Variants in FOXN3 observed in about 807,000 individuals in gnomAD.
FOXN3 encodes forkhead box N3.
FOXN3 carries 7 observed loss-of-function variants against 38.4 expected under a neutral mutation model. The ratio of observed to expected loss-of-function variants is 0.18; its 90% CI spans 0.10 to 0.34. The LOEUF is 0.34. Ranked by LOEUF, FOXN3 falls within the 10% of genes least tolerant of loss-of-function variation. The pLI, the probability that FOXN3 is intolerant of heterozygous loss-of-function variation, is 1.00. For synonymous variants in FOXN3, 230 were observed against 242.2 expected (o/e 0.95, Z 0.47); for missense variants, 456 against 613.4 (o/e 0.74, Z 2.71).
chr14:89,340,035 A>G (rs911680109), intron 3 of FOXN3, among the ~76,000 whole-genome samples: 2 of 152,190 alleles, frequency 1.3e-5, no homozygotes, highest in African/African-American at 4.8e-5. Flanking sequence ...TAAAACAAAC[A>G]AACAAAAAGC....
chr14:89,182,518 A>G (rs1887700432), intron 4 of FOXN3, among the ~76,000 whole-genome samples: 1 of 152,202 alleles, frequency 6.6e-6, no homozygotes, highest in African/African-American at 2.4e-5. Context: ...CCAGATCAGT[A>G]GCTCCTACCA....
At chr14:89,375,435 T>C (rs76792770) in intron 2 of FOXN3, among the ~76,000 whole-genome samples, 2,128 of 152,324 alleles carry the variant, frequency 0.014, 64 homozygotes, top group African/African-American at 0.049. Context: ...TTTAATTCAA[T>C]ACTGATTATG....
chr14:89,511,246 CTTTTCTTTCTTTCTTT>C (rs1894077434), intron 1 of FOXN3, among the ~76,000 whole-genome samples: 1 of 13,944 alleles, frequency 7.2e-5, no homozygotes, highest in African/African-American at 1.3e-4. Flanking sequence ...CCTTTTCTTT[CTTTTCTTTCTTTCTTT>C]CTTTCTTTCT....
intron 5 of FOXN3, among the ~76,000 whole-genome samples, chr14:89,165,088 T>TA (rs1887206032): frequency 6.6e-6 from 1 of 152,148 alleles, no homozygotes; most frequent in Non-Finnish European, 1.5e-5. Flanking sequence ...CCCCAACACT[T>TA]ACAATGTGTG....
At chr14:89,594,812 G>C (rs1896025108) in intron 1 of FOXN3, among the ~76,000 whole-genome samples, 1 of 151,986 alleles carries the variant, frequency 6.6e-6, no homozygotes, top group South Asian at 2.1e-4. Context: ...CCTGAATCCG[G>C]GAGGCAGAGG....
intron 4 of FOXN3, among the ~76,000 whole-genome samples, chr14:89,219,326 T>C (rs1884381317): frequency 6.6e-6 from 1 of 152,190 alleles, no homozygotes; most frequent in Non-Finnish European, 1.5e-5. Flanking sequence ...CCATTGTAAG[T>C]TTCCTGAACC....
At chr14:89,501,725 T>TAA (rs1295604280) in intron 1 of FOXN3, among the ~76,000 whole-genome samples, 2 of 152,018 alleles carry the variant, frequency 1.3e-5, no homozygotes, top group African/African-American at 4.8e-5. Flanking sequence ...GCAGGGTTTT[T>TAA]AAAACACTAA....
At chr14:89,511,139 T>G in intron 1 of FOXN3, among the ~76,000 whole-genome samples, 1 of 25,282 alleles carries the variant, frequency 4.0e-5, no homozygotes. Context: ...TTTCTTTCTT[T>G]CTTTTCTTTC....
intron 2 of FOXN3, among the ~76,000 whole-genome samples, chr14:89,374,102 G>GA (rs200301176): frequency 0.014 from 2,101 of 151,558 alleles, 61 homozygotes; most frequent in African/African-American, 0.049. Flanking sequence ...CTCATCTCTA[G>GA]AAAAAATACA....
chr14:89,466,591 C>T (rs1472447138), intron 1 of FOXN3, among the ~76,000 whole-genome samples: 2 of 152,150 alleles, frequency 1.3e-5, no homozygotes, highest in African/African-American at 4.8e-5. Flanking sequence ...AGCCCACAGC[C>T]TAGTGAAGCA....
chr14:89,412,074 G>A lies in FOXN3; in HGVS notation c.403C>T (p.Leu135=). Reference sequence around the variant, plus strand: ...CAGTTGTAGATATCCTTCACTGGCAGGCGCTTGGTTGGAGAGTCCTCGATG... The same window carrying A: ...CAGTTGTAGATATCCTTCACTGGCAAGCGCTTGGTTGGAGAGTCCTCGATG... ...MAIEDSPTKR[L]PVKDIYNWIL... The change falls in exon 2 of 6, where the codon CTG becomes TTG. Residue 135 remains leucine, a synonymous_variant. Transcript: ENST00000557258. This position sits in a 1 kb window ranked among gnomAD's most constrained non-coding sequence, Gnocchi z 4.7. 1 of 1,613,540 alleles carries A rather than the reference G, an allele frequency of 6.2e-7. No homozygotes were observed. Among genetic ancestry groups the A allele is most frequent in the Non-Finnish European group, 8.5e-7 (1 of 1,179,828 alleles).
At chr14:89,401,610 G>A (rs1399890755) in intron 2 of FOXN3, 2 of 455,910 alleles carry the variant, frequency 4.4e-6, no homozygotes, top group East Asian at 6.9e-5. Context: ...TTGGAGATTC[G>A]GGACTTTTCT....
chr14:89,415,007 A>C (rs1891655754), intron 1 of FOXN3, among the ~76,000 whole-genome samples: 1 of 152,206 alleles, frequency 6.6e-6, no homozygotes, highest in Non-Finnish European at 1.5e-5. Flanking sequence ...ACAAGCTAGC[A>C]TCTTTTGGCT....
chr14:89,410,319 C>G (rs569435924), intron 2 of FOXN3, among the ~76,000 whole-genome samples: 2 of 152,258 alleles, frequency 1.3e-5, no homozygotes, highest in South Asian at 4.1e-4. Context: ...AGCCACTGAT[C>G]CCACACAACA....
At chr14:89,177,335 A>G (rs1441563072) in intron 5 of FOXN3, among the ~76,000 whole-genome samples, 1 of 152,186 alleles carries the variant, frequency 6.6e-6, no homozygotes, top group East Asian at 1.9e-4. Context: ...CTGTTTATGC[A>G]AATCGTAACT....
At chr14:89,359,452 T>C (rs558320110) in intron 2 of FOXN3, among the ~76,000 whole-genome samples, 1 of 152,334 alleles carries the variant, frequency 6.6e-6, no homozygotes, top group East Asian at 1.9e-4. Context: ...AGATTTCATC[T>C]AAAAAAATTG....
intron 4 of FOXN3, among the ~76,000 whole-genome samples, chr14:89,192,744 C>A (rs1343887562): frequency 2.8e-5 from 4 of 144,234 alleles, no homozygotes; most frequent in African/African-American, 5.0e-5. Flanking sequence ...TATATGTATA[C>A]TATCATATAT....
intron 1 of FOXN3, among the ~76,000 whole-genome samples, chr14:89,458,488 T>C (rs1222082267): frequency 6.6e-6 from 1 of 152,216 alleles, no homozygotes; most frequent in Non-Finnish European, 1.5e-5. Context: ...CCAACGGTCT[T>C]CATGATGCCC....
chr14:89,343,220 A>T (rs1057091413), intron 3 of FOXN3, among the ~76,000 whole-genome samples: 7 of 152,208 alleles, frequency 4.6e-5, no homozygotes. Context: ...GAGTGGAGGA[A>T]TTAACACCGT....
Sources: allele counts gnomAD v4.1 joint callset (sites outside exome capture counted in the v4.1 genomes callset), GRCh38; gene constraint gnomAD v4.1.1; non-coding constraint Gnocchi (gnomAD v3.1); transcripts MANE v1.5; gene names NCBI Gene and HGNC (gene_info 2026-07-23, HGNC 2026-07-21).